Variants in FMN2 observed in about 807,000 individuals in gnomAD.
FMN2 encodes formin-2.
FMN2 carries 51 observed loss-of-function variants against 142.3 expected under a neutral mutation model. That is an observed-to-expected ratio of 0.36 (90% CI 0.29 to 0.45). The LOEUF (loss-of-function observed/expected upper bound fraction) is 0.45, where lower values mean the gene tolerates loss of function less well. Ranked by LOEUF, FMN2 falls within the 20% of genes least tolerant of loss-of-function variation. The pLI, the probability that FMN2 is intolerant of heterozygous loss-of-function variation, is 1.00. For synonymous variants in FMN2, 882 were observed against 869.8 expected, an observed-to-expected ratio of 1.01 and a Z score of -0.25; for missense variants, 1,936 against 2,122.8, an observed-to-expected ratio of 0.91 and a Z score of 1.73.
chr1:240,107,522 A>G (rs902186109), intron 1 of FMN2, among the ~76,000 whole-genome samples: 17 of 152,152 alleles, frequency 1.1e-4, no homozygotes, highest in South Asian at 2.1e-4. Context: ...TTGTCTTTCT[A>G]TAGTTTTTCC....
At chr1:240,191,257 A>C (rs1458187849) in intron 4 of FMN2, among the ~76,000 whole-genome samples, 17 of 152,212 alleles carry the variant, frequency 1.1e-4, no homozygotes, top group Admixed American at 1.1e-3. Context: ...TTCTGTAGTT[A>C]ATAATTCTGA....
At chr1:240,232,446 T>C (rs1667559808) in intron 6 of FMN2, among the ~76,000 whole-genome samples, 1 of 152,126 alleles carries the variant, frequency 6.6e-6, no homozygotes, top group Admixed American at 6.5e-5. Context: ...TACTTAAAAA[T>C]ATCTTTTTCA....
intron 4 of FMN2, among the ~76,000 whole-genome samples, chr1:240,201,495 A>T (rs1392567009): frequency 6.6e-6 from 1 of 152,214 alleles, no homozygotes; most frequent in African/African-American, 2.4e-5. Flanking sequence ...TTTGCATATT[A>T]GGATTGTCAG....
At chr1:240,438,851 A>G (rs1026807017) in intron 16 of FMN2, among the ~76,000 whole-genome samples, 6 of 152,230 alleles carry the variant, frequency 3.9e-5, no homozygotes, top group South Asian at 2.1e-4. Context: ...GCCATCCCCA[A>G]ATAGCTGCGT....
chr1:240,441,284 C>T (rs1319120565), intron 16 of FMN2, among the ~76,000 whole-genome samples: 2 of 152,132 alleles, frequency 1.3e-5, no homozygotes, highest in Non-Finnish European at 2.9e-5. Flanking sequence ...TGAGCCACCA[C>T]ACCTGGCCTG....
chr1:240,161,399 G>C (rs1020032669), intron 2 of FMN2, among the ~76,000 whole-genome samples: 2 of 152,046 alleles, frequency 1.3e-5, no homozygotes, highest in South Asian at 2.1e-4. Flanking sequence ...CAGGCGTGGT[G>C]GTGGGTGCCT....
chr1:240,447,757 C>A (rs1330953202), intron 16 of FMN2, among the ~76,000 whole-genome samples: 1 of 152,032 alleles, frequency 6.6e-6, no homozygotes, highest in East Asian at 1.9e-4. Context: ...GTTTCTCTTG[C>A]GGGGGGTACA....
At chr1:240,100,983 A>G (rs1162520372) in intron 1 of FMN2, among the ~76,000 whole-genome samples, 1 of 152,242 alleles carries the variant, frequency 6.6e-6, no homozygotes, top group Non-Finnish European at 1.5e-5. Flanking sequence ...GAGTGGACAC[A>G]TACAGGAAGA....
intron 7 of FMN2, among the ~76,000 whole-genome samples, chr1:240,290,780 G>GTTTTTTGTTTTTT (rs1333094360): frequency 1.0e-5 from 1 of 100,194 alleles, no homozygotes; most frequent in Non-Finnish European, 1.9e-5. Context: ...TGTTTGTTTG[G>GTTTTTTGTTTTTT]TTTTTTTTTT....
chr1:240,167,752 T>C (rs1460243174), intron 2 of FMN2, among the ~76,000 whole-genome samples: 2 of 152,200 alleles, frequency 1.3e-5, no homozygotes, highest in African/African-American at 2.4e-5. Context: ...ATGTGCACTA[T>C]GATTACAGCT....
At chr1:240,228,303 C>CAAAAAA (rs577421634) in intron 6 of FMN2, among the ~76,000 whole-genome samples, 562 of 47,618 alleles carry the variant, frequency 0.012, 1 homozygote, top group East Asian at 0.023. Context: ...AACTCTGTCT[C>CAAAAAA]AAAAAAAAAA....
intron 14 of FMN2, among the ~76,000 whole-genome samples, chr1:240,362,896 A>G (rs2103057446): frequency 6.6e-6 from 1 of 152,148 alleles, no homozygotes; most frequent in East Asian, 1.9e-4. Context: ...TCATACTTCT[A>G]CCCGCCTCCC....
intron 7 of FMN2, among the ~76,000 whole-genome samples, chr1:240,293,075 T>G (rs1669848024): frequency 6.6e-6 from 1 of 152,138 alleles, no homozygotes; most frequent in Admixed American, 6.5e-5. Flanking sequence ...TGTATTAAGA[T>G]ATTCATTATT....
chr1:240,231,920 A>G (rs1425288530), intron 6 of FMN2, among the ~76,000 whole-genome samples: 3 of 152,184 alleles, frequency 2.0e-5, no homozygotes, highest in African/African-American at 7.2e-5. Flanking sequence ...TCTTGAATTC[A>G]TTGATCCTCA....
At chr1:240,439,214 A>C (rs1675513703) in intron 16 of FMN2, among the ~76,000 whole-genome samples, 1 of 149,628 alleles carries the variant, frequency 6.7e-6, no homozygotes, top group Admixed American at 6.7e-5. Flanking sequence ...CGGAGGTTGC[A>C]GTGAGCCGAG....
intron 16 of FMN2, among the ~76,000 whole-genome samples, chr1:240,453,974 C>T (rs576388890): frequency 0.057 from 474 of 8,376 alleles, 145 homozygotes; most frequent in African/African-American, 0.13. Flanking sequence ...CCGGCCTGGG[C>T]GACAGAGCGA....
intron 13 of FMN2, chr1:240,341,614 G>A (rs1279236033): frequency 6.6e-6 from 1 of 152,222 alleles, no homozygotes; most frequent in Non-Finnish European, 1.5e-5. Context: ...CTGCAGAGTT[G>A]AAGAATTGTG....
intron 16 of FMN2, among the ~76,000 whole-genome samples, chr1:240,440,040 A>T (rs1260220092): frequency 6.6e-6 from 1 of 152,126 alleles, no homozygotes; most frequent in Admixed American, 6.5e-5. Flanking sequence ...TGGAGTGTAG[A>T]TGGTGTGATT....
intron 6 of FMN2, among the ~76,000 whole-genome samples, chr1:240,252,016 C>G (rs1317256608): frequency 2.0e-5 from 3 of 152,166 alleles, no homozygotes; most frequent in Non-Finnish European, 4.4e-5. Context: ...TAAAGCAGTT[C>G]TCCTGCCTCA....
Sources: allele counts gnomAD v4.1 joint callset (sites outside exome capture counted in the v4.1 genomes callset), GRCh38; gene constraint gnomAD v4.1.1; transcripts MANE v1.5; gene names NCBI Gene and HGNC (gene_info 2026-07-23, HGNC 2026-07-21).